The following MYH15 variants were observed in gnomAD, a reference collection of about 807,000 sequenced individuals.
The protein encoded by MYH15 is myosin-15.
Under a neutral mutation model 240.5 loss-of-function variants are expected in MYH15, and 227 were observed. The ratio of observed to expected loss-of-function variants is 0.94; its 90% confidence interval spans 0.85 to 1.05. The LOEUF (loss-of-function observed/expected upper bound fraction) is 1.05. Ranked by LOEUF, MYH15 falls within the 50% of genes least tolerant of loss-of-function variation. The probability of loss-of-function intolerance (pLI) is 0.00; values close to 1 mark genes in which losing one functional copy is unlikely to be tolerated. For missense variants in MYH15, 2,217 were observed against 2,247.5 expected, an observed-to-expected ratio of 0.99 and a Z score of 0.27; for synonymous variants, 785 against 796.7, an observed-to-expected ratio of 0.99 and a Z score of 0.25.
At chr3:108,422,954 A>C (rs944658993) in intron 27 of MYH15, among the ~76,000 whole-genome samples, 1 of 152,168 alleles carries the variant, frequency 6.6e-6, no homozygotes, top group Admixed American at 6.5e-5. Flanking sequence ...CCTTCATGCT[A>C]TGTTGCAGGA....
intron 6 of MYH15, among the ~76,000 whole-genome samples, chr3:108,497,077 C>T (rs1280446741): frequency 1.5e-5 from 2 of 135,462 alleles, no homozygotes; most frequent in Non-Finnish European, 3.1e-5. Flanking sequence ...AGGAGAATGG[C>T]GTGAACCCAG....
In MYH15 at chr3:108,444,902, C is replaced by A. The variant is rs1217972037; in HGVS notation, c.2400-7G>T. 7.6e-6 allele frequency: 12 copies of A among 1,587,058 alleles called. No homozygotes were observed. Among genetic ancestry groups the A allele is most frequent in the Admixed American group, 7.6e-5 (4 of 52,944 alleles). On this transcript the variant is annotated splice_region_variant and splice_polypyrimidine_tract_variant and intron_variant, in intron 21 of 40. Coordinates refer to ENST00000693548, the MANE Select transcript of MYH15 (RefSeq NM_014981.3). ...GATCAAAATAAGTGCATCCCTAAAT[C>A]AAGAAAGAAAAAAGAAAAGCAAGTT...
intron 6 of MYH15, among the ~76,000 whole-genome samples, chr3:108,497,157 TAAAAAAAAAAA>T (rs5851595): frequency 1.0e-4 from 3 of 28,768 alleles, no homozygotes; most frequent in African/African-American, 4.5e-4. Context: ...CGAGACTCCG[TAAAAAAAAAAA>T]AAAAAAAAAA....
At chr3:108,446,919 G>A (rs1015527711) in intron 21 of MYH15, among the ~76,000 whole-genome samples, 28 of 151,784 alleles carry the variant, frequency 1.8e-4, no homozygotes, top group African/African-American at 6.8e-4. Context: ...TGCTGACAAA[G>A]AATTCAAAAC....
At chr3:108,408,165 A>G in intron 32 of MYH15, 115 bp downstream of exon 32, 4 of 1,188,252 alleles carry the variant, frequency 3.4e-6, no homozygotes, top group African/African-American at 3.1e-5. Flanking sequence ...AGTGCCTAGC[A>G]TATAGTAAAT....
the MYH15 span, among the ~76,000 whole-genome samples, chr3:108,539,508 GT>G: frequency 2.0e-5 from 3 of 152,066 alleles, no homozygotes; most frequent in Admixed American, 1.3e-4. Flanking sequence ...AAATGATAAA[GT>G]AATAGATCTA....
At chr3:108,542,041 G>T in the MYH15 span, among the ~76,000 whole-genome samples, 17 of 152,164 alleles carry the variant, frequency 1.1e-4, no homozygotes, top group African/African-American at 4.1e-4. Context: ...CTGAGAGAGG[G>T]ATGAAAGGGA....
chr3:108,397,486 T>C (rs1432589121), intron 35 of MYH15, among the ~76,000 whole-genome samples: 3 of 152,228 alleles, frequency 2.0e-5, no homozygotes, highest in African/African-American at 7.2e-5. Context: ...ATTATACTTT[T>C]AGCAGTGTAC....
chr3:108,539,501 T>A, the MYH15 span, among the ~76,000 whole-genome samples: 1 of 151,944 alleles, frequency 6.6e-6, no homozygotes, highest in Non-Finnish European at 1.5e-5. Flanking sequence ...GATAGAAAAA[T>A]GATAAAGTAA....
At chr3:108,483,387 C>T (rs574204308) in intron 11 of MYH15, among the ~76,000 whole-genome samples, 1 of 151,134 alleles carries the variant, frequency 6.6e-6, no homozygotes, top group Admixed American at 6.6e-5. Context: ...CAATAAGATA[C>T]CACTTTATAC....
chr3:108,463,949 C>A (rs1430548371), intron 15 of MYH15, among the ~76,000 whole-genome samples: 6 of 150,708 alleles, frequency 4.0e-5, no homozygotes, highest in Admixed American at 2.0e-4. Context: ...CTCTGACATA[C>A]AGTGAACATT....
Position 108,464,621 on chromosome 3 carries a change from G to T in MYH15, c.1731+17C>A, listed in dbSNP as rs201073312. On this transcript the variant is annotated intron_variant, in intron 15 of 40. Coordinates refer to ENST00000693548, the MANE Select transcript of MYH15 (RefSeq NM_014981.3). The stretch of plus-strand genomic sequence containing the variant: ...AAGTCAGGAAAATTCAAGACCGGGG[G>T]TCCAGAGGTAACTCACCACTCCTGC... 6.3e-7 allele frequency: 1 copy of T among 1,591,010 alleles called. No individual in the cohort carries two copies. Among genetic ancestry groups the T allele is most frequent in the Admixed American group, 1.8e-5 (1 of 55,570 alleles).
At chr3:108,472,376 G>A (rs1013476563) in intron 12 of MYH15, among the ~76,000 whole-genome samples, 2 of 152,204 alleles carry the variant, frequency 1.3e-5, no homozygotes, top group African/African-American at 4.8e-5. Flanking sequence ...CTGCCCAGGA[G>A]AGAGCACACA....
chr3:108,515,481 C>T (rs1033049187), upstream of MYH15, among the ~76,000 whole-genome samples: 1 of 152,200 alleles, frequency 6.6e-6, no homozygotes, highest in African/African-American at 2.4e-5. Context: ...CCTTTGATTT[C>T]CATAAGCGCT....
chr3:108,455,713 A>C, intron 20 of MYH15, 23 bp downstream of exon 20: 1 of 1,612,460 alleles, frequency 6.2e-7, no homozygotes, highest in Non-Finnish European at 8.5e-7. Flanking sequence ...CTCCAAATGC[A>C]TTCTTTGCAG....
chr3:108,487,624 C>T (rs2083316303), intron 9 of MYH15, among the ~76,000 whole-genome samples: 1 of 151,980 alleles, frequency 6.6e-6, no homozygotes, highest in Admixed American at 6.6e-5. Flanking sequence ...GGGACTGGGG[C>T]TGGGAAAGGA....
chr3:108,390,696 G>C (rs1250273173), intron 37 of MYH15, among the ~76,000 whole-genome samples: 1 of 152,126 alleles, frequency 6.6e-6, no homozygotes, highest in Non-Finnish European at 1.5e-5. Context: ...ATTCTTACTT[G>C]TGTATGTTTA....
intron 8 of MYH15, among the ~76,000 whole-genome samples, 198 bp from the exon 9 acceptor site, chr3:108,492,793 T>A (rs957098990): frequency 1.3e-5 from 2 of 151,420 alleles, no homozygotes; most frequent in Admixed American, 6.6e-5. Flanking sequence ...CAAAGAAAAA[T>A]TTTTAAAATT....
intron 4 of MYH15, 49 bp from the exon 5 acceptor site, chr3:108,499,531 G>A: frequency 1.9e-6 from 3 of 1,565,882 alleles, no homozygotes; most frequent in Non-Finnish European, 2.6e-6. Flanking sequence ...CGATATTTAT[G>A]TATTAGTATG....
Sources: allele counts gnomAD v4.1 joint callset (sites outside exome capture counted in the v4.1 genomes callset), GRCh38; gene constraint gnomAD v4.1.1; transcripts MANE v1.5; gene names NCBI Gene and HGNC (gene_info 2026-07-23, HGNC 2026-07-21).